CRB1: variants seen among roughly 807,000 people sequenced by gnomAD.
The protein encoded by CRB1 is protein crumbs homolog 1.
CRB1 carries 83 observed loss-of-function variants against 120.0 expected under a neutral mutation model. The observed-to-expected ratio is 0.69, with a 90% CI of 0.58 to 0.83. The LOEUF (loss-of-function observed/expected upper bound fraction) is 0.83, where lower values mean the gene tolerates loss of function less well. CRB1 is among the 40% of genes least tolerant of loss of function. The pLI, the probability that CRB1 is intolerant of heterozygous loss-of-function variation, is 0.00. For missense variants in CRB1, 1,699 were observed against 1,687.6 expected, an observed-to-expected ratio of 1.01 and a Z score of -0.12; for synonymous variants, 625 against 612.5, an observed-to-expected ratio of 1.02 and a Z score of -0.30.
intron 3 of CRB1, among the ~76,000 whole-genome samples, chr1:197,347,132 C>T (rs1659820748): frequency 6.6e-6 from 1 of 151,984 alleles, no homozygotes; most frequent in South Asian, 2.1e-4. Context: ...GTTTGCATGA[C>T]CCTGTACTTT....
At chr1:197,419,960 G>A (rs901905888) in intron 5 of CRB1, among the ~76,000 whole-genome samples, 9 of 141,384 alleles carry the variant, frequency 6.4e-5, no homozygotes, top group East Asian at 2.1e-4. Flanking sequence ...CAGCCTGGGC[G>A]ACAGAGCGAG....
intron 8 of CRB1, among the ~76,000 whole-genome samples, chr1:197,432,535 A>G (rs1045129068): frequency 2.6e-5 from 4 of 152,064 alleles, no homozygotes; most frequent in Non-Finnish European, 5.9e-5. Flanking sequence ...TACAGGATGG[A>G]GTTATTTTCA....
intron 11 of CRB1, among the ~76,000 whole-genome samples, chr1:197,463,539 G>T (rs1666623538): frequency 6.6e-6 from 1 of 152,108 alleles, no homozygotes; most frequent in Non-Finnish European, 1.5e-5. Context: ...GTAGATTTGG[G>T]GTTACATTTA....
At chr1:197,411,195 C>T (rs953603937) in intron 5 of CRB1, among the ~76,000 whole-genome samples, 1 of 152,078 alleles carries the variant, frequency 6.6e-6, no homozygotes, top group African/African-American at 2.4e-5. Context: ...TCGCTGTCTC[C>T]TAAAACAAAA....
intron 1 of CRB1, among the ~76,000 whole-genome samples, chr1:197,311,271 C>T (rs988799660): frequency 2.6e-5 from 4 of 152,092 alleles, no homozygotes; most frequent in African/African-American, 9.6e-5. Flanking sequence ...TTATGCTAGG[C>T]GAAATAAGTC....
At chr1:197,468,620 G>C (rs570127689) in intron 11 of CRB1, among the ~76,000 whole-genome samples, 3 of 152,050 alleles carry the variant, frequency 2.0e-5, no homozygotes, top group Non-Finnish European at 4.4e-5. Flanking sequence ...TATATTATTG[G>C]GAAGTTCCAG....
the CRB1 span, among the ~76,000 whole-genome samples, chr1:197,226,552 T>C: frequency 2.6e-5 from 4 of 152,088 alleles, no homozygotes; most frequent in Non-Finnish European, 5.9e-5. Context: ...CCCAGTGGGA[T>C]AATATTAGGA....
intron 5 of CRB1, among the ~76,000 whole-genome samples, chr1:197,401,197 G>GT (rs1663047996): frequency 6.6e-6 from 1 of 151,736 alleles, no homozygotes; most frequent in African/African-American, 2.4e-5. Flanking sequence ...TAGAGTGTGG[G>GT]TTTTTTTAAA....
At chr1:197,337,114 C>T (rs997129471) in intron 2 of CRB1, among the ~76,000 whole-genome samples, 2 of 152,118 alleles carry the variant, frequency 1.3e-5, no homozygotes, top group African/African-American at 4.8e-5. Flanking sequence ...GTAATTTGGT[C>T]ATTGCGGGGA....
intron 5 of CRB1, among the ~76,000 whole-genome samples, chr1:197,369,645 C>T (rs1392104041): frequency 6.6e-6 from 1 of 152,158 alleles, no homozygotes; most frequent in East Asian, 1.9e-4. Flanking sequence ...ACCACTATGA[C>T]TTATAAGTCT....
intron 1 of CRB1, among the ~76,000 whole-genome samples, chr1:197,293,269 C>T (rs1236035037): frequency 1.3e-5 from 2 of 151,990 alleles, no homozygotes; most frequent in East Asian, 3.9e-4. Flanking sequence ...ACACCAATAA[C>T]AGACAAACAG....
intron 5 of CRB1, chr1:197,360,356 T>G (rs1012224173): frequency 6.6e-6 from 1 of 152,302 alleles, no homozygotes; most frequent in Non-Finnish European, 1.5e-5. Context: ...AAGGTTCTTC[T>G]GCTGCAGCAT....
chr1:197,282,123 C>A (rs1655556772), intron 1 of CRB1, among the ~76,000 whole-genome samples: 1 of 151,118 alleles, frequency 6.6e-6, no homozygotes, highest in Admixed American at 6.6e-5. Flanking sequence ...AAATCATAAT[C>A]ATTCCTTTTA....
intron 11 of CRB1, among the ~76,000 whole-genome samples, chr1:197,470,834 T>G (rs1056717057): frequency 1.6e-4 from 24 of 152,246 alleles, no homozygotes; most frequent in Non-Finnish European, 4.4e-5. Context: ...TTACACAGTT[T>G]GTAGAATGCA....
chr1:197,305,879 G>A (rs2125261990), intron 1 of CRB1, among the ~76,000 whole-genome samples: 1 of 147,840 alleles, frequency 6.8e-6, no homozygotes, highest in Admixed American at 6.9e-5. Context: ...ACTCACTTTG[G>A]AAACTGATAT....
At chr1:197,353,832 A>G (rs1300960529) in intron 4 of CRB1, among the ~76,000 whole-genome samples, 1 of 150,936 alleles carries the variant, frequency 6.6e-6, no homozygotes, top group Non-Finnish European at 1.5e-5. Context: ...AAAAAAAAAA[A>G]AAAAACTTTA....
intron 8 of CRB1, among the ~76,000 whole-genome samples, chr1:197,432,202 T>A: frequency 6.6e-6 from 1 of 152,108 alleles, no homozygotes; most frequent in Admixed American, 6.6e-5. Context: ...CTCAGCAGAG[T>A]TAGTAAATAT....
In CRB1 at chr1:197,306,885, G is replaced by T. The variant is rs150794075; in HGVS notation, c.71-21537G>T. On this transcript the variant is annotated intron_variant, in intron 1 of 11. Coordinates refer to ENST00000367400, the MANE Select transcript of CRB1 (RefSeq NM_201253.3). The stretch of plus-strand genomic sequence containing the variant: ...ATTAGCTATTACAACTCAATAGAAT[G>T]ATCTGTATTCTAGTCACATCATGTT... Among the ~76,000 whole-genome samples, 3 of 152,280 alleles carry T rather than the reference G, an allele frequency of 2.0e-5. No homozygotes were observed. The East Asian group carries it at 5.8e-4, about 29-fold the overall frequency.
chr1:197,363,303 T>G (rs1183396235), intron 5 of CRB1, among the ~76,000 whole-genome samples: 1 of 152,156 alleles, frequency 6.6e-6, no homozygotes, highest in Non-Finnish European at 1.5e-5. Flanking sequence ...CTCCCCACCT[T>G]AGGCCTCAAG....
Sources: gnomAD v4.1 joint callset for allele counts (sites outside exome capture counted in the v4.1 genomes callset) on GRCh38, gnomAD v4.1.1 for gene constraint, MANE v1.5 for transcripts, NCBI Gene and HGNC (gene_info 2026-07-23, HGNC 2026-07-21) for gene names.